CCSER1: variants seen among roughly 807,000 people sequenced by gnomAD.
CCSER1 encodes the protein serine-rich coiled-coil domain-containing protein 1.
A neutral mutation model predicts 82.0 loss-of-function variants in CCSER1; 41 were observed. The observed-to-expected ratio is 0.50, with a 90% CI of 0.39 to 0.65. The LOEUF (loss-of-function observed/expected upper bound fraction) is 0.65. Among genes scored for constraint, CCSER1 ranks in the 30% least tolerant of loss-of-function variants. CCSER1 has a pLI of 0.00. For missense variants in CCSER1, 1,119 were observed against 1,064.2 expected (o/e 1.05, Z -0.72); for synonymous variants, 414 against 383.9 (o/e 1.08, Z -0.92).
At chr4:90,223,018 T>C (rs1742443774) in intron 1 of CCSER1, among the ~76,000 whole-genome samples, 1 of 152,164 alleles carries the variant, frequency 6.6e-6, no homozygotes, top group African/African-American at 2.4e-5. Flanking sequence ...CATATATAGG[T>C]TCACGCATCC....
chr4:90,134,664 T>A lies in CCSER1; in HGVS notation c.-42+6833T>A, dbSNP rs1578133686. On this transcript the variant is annotated intron_variant, in intron 1 of 10. Transcript: ENST00000509176. The stretch of plus-strand genomic sequence containing the variant: ...AAAGGTTCATGCAGAGCTTTGAGCA[T>A]GTTGCTTAAGAAAAGTTGAGCTTAT... Among the ~76,000 whole-genome samples the A allele has an allele frequency of 2.0e-5, 3 of 152,364 alleles. No homozygotes were observed. In the South Asian group the frequency reaches 6.2e-4, roughly 32 times the overall value.
At chr4:90,871,868 T>C (rs1290209699) in intron 8 of CCSER1, among the ~76,000 whole-genome samples, 2 of 151,848 alleles carry the variant, frequency 1.3e-5, no homozygotes, top group African/African-American at 4.8e-5. Flanking sequence ...TATATATTTA[T>C]AATTGTTAAT....
In CCSER1 at chr4:90,782,063, A is replaced by T. The variant is rs574681858; in HGVS notation, c.2011-33699A>T. ...GCAGTAAAATTATTTCCTGATAAACACTTTCTTGAGTATTCAAGGATTAAT... is the reference window on the plus strand; with the variant it reads ...GCAGTAAAATTATTTCCTGATAAACTCTTTCTTGAGTATTCAAGGATTAAT... On this transcript the variant is annotated intron_variant, in intron 7 of 10. Coordinates refer to ENST00000509176, the MANE Select transcript of CCSER1 (RefSeq NM_001145065.2). 6.3e-6 allele frequency: 4 copies of T among 636,916 alleles called. No individual in the cohort carries two copies. The South Asian group carries it at 2.8e-4, about 45-fold the overall frequency. The allele number at this position is 636,916 out of a possible 1,614,324, so 39.5% of individuals were successfully genotyped here.
intron 1 of CCSER1, among the ~76,000 whole-genome samples, chr4:90,290,887 T>C (rs886789437): frequency 6.6e-6 from 1 of 152,068 alleles, no homozygotes; most frequent in Non-Finnish European, 1.5e-5. Flanking sequence ...TTGTTACTGT[T>C]GTATATGTAA....
At chr4:90,353,731 T>G (rs1345182490) in intron 3 of CCSER1, among the ~76,000 whole-genome samples, 1 of 152,192 alleles carries the variant, frequency 6.6e-6, no homozygotes, top group African/African-American at 2.4e-5. Context: ...CAATATCCAC[T>G]GCAGGAAAGC....
chr4:91,260,416 G>A (rs1741017075), intron 10 of CCSER1, among the ~76,000 whole-genome samples: 2 of 152,180 alleles, frequency 1.3e-5, no homozygotes, highest in African/African-American at 4.8e-5. Context: ...CATAGATGTT[G>A]TGCCTGATCT....
intron 6 of CCSER1, among the ~76,000 whole-genome samples, chr4:90,648,321 G>GAAAGAAAGAAAGAAAGAAAGAA (rs1728073860): frequency 6.6e-6 from 1 of 151,062 alleles, no homozygotes; most frequent in Non-Finnish European, 1.5e-5. Flanking sequence ...AAGAAAGAAA[G>GAAAGAAAGAAAGAAAGAAAGAA]AAAGAAAGAA....
At chr4:90,604,615 A>G (rs1440571160) in intron 5 of CCSER1, among the ~76,000 whole-genome samples, 6 of 152,186 alleles carry the variant, frequency 3.9e-5, no homozygotes, top group African/African-American at 1.4e-4. Context: ...TCCACTAGGC[A>G]AAGCCAGCTG....
chr4:91,083,424 G>A (rs537573764), intron 9 of CCSER1, among the ~76,000 whole-genome samples: 3 of 151,994 alleles, frequency 2.0e-5, no homozygotes, highest in African/African-American at 7.2e-5. Flanking sequence ...GGTTGGCGGG[G>A]GGAAGGATAG....
intron 1 of CCSER1, among the ~76,000 whole-genome samples, chr4:90,202,503 G>C (rs572214648): frequency 6.6e-6 from 1 of 152,108 alleles, no homozygotes; most frequent in Admixed American, 6.6e-5. Context: ...GTGACCCGCC[G>C]TAAATAAACT....
intron 10 of CCSER1, among the ~76,000 whole-genome samples, chr4:91,378,332 A>G (rs1053007594): frequency 2.4e-4 from 36 of 152,130 alleles, no homozygotes; most frequent in Non-Finnish European, 3.7e-4. Context: ...TCTATAAATT[A>G]CCTTGGGCAG....
chr4:90,642,045 T>A (rs1726637523), intron 6 of CCSER1: 1 of 273,160 alleles, frequency 3.7e-6, no homozygotes, highest in South Asian at 3.3e-5. Context: ...AGCTGCAACA[T>A]AACAGGTATA....
rs1245244864 is a variant in CCSER1 at position 91,006,603 on chromosome 4, C to T, written c.2173-79347C>T. Among the ~76,000 whole-genome samples, 8 of 152,036 alleles carry T rather than the reference C, an allele frequency of 5.3e-5. No individual in the cohort carries two copies. In the East Asian group the frequency reaches 1.2e-3, roughly 22 times the overall value. ...CTCCCAGGTTCACACCATTCTCCTGCCTCAGCCTCCCGAGTAGCTGGGACT... is the reference window on the plus strand; with the variant it reads ...CTCCCAGGTTCACACCATTCTCCTGTCTCAGCCTCCCGAGTAGCTGGGACT... On this transcript the variant is annotated intron_variant, in intron 9 of 10. Transcript: ENST00000509176.
rs1049276081 is a variant in CCSER1, at chr4:91,602,599, T to G, written c.*3542T>G. Among the ~76,000 whole-genome samples, 1 of 152,062 alleles carries G rather than the reference T, an allele frequency of 6.6e-6. No homozygotes were observed. Among genetic ancestry groups the G allele is most frequent in the African/African-American group, 2.4e-5 (1 of 41,452 alleles). On this transcript the variant is annotated 3_prime_UTR_variant, in exon 11 of 11. Coordinates refer to ENST00000509176, the MANE Select transcript of CCSER1 (RefSeq NM_001145065.2). ...AGTGGATAATTTGGAATACTTAGCA[T>G]AATCTCATAATTATAATCTAAATTT... is the stretch of plus-strand genomic sequence containing the variant.
intron 7 of CCSER1, among the ~76,000 whole-genome samples, chr4:90,771,565 T>TA (rs34848155): frequency 0.35 from 34,556 of 98,110 alleles, 5,879 homozygotes; most frequent in African/African-American, 0.54. Context: ...TGCCGGGCAC[T>TA]AAAAAAAAAA....
intron 5 of CCSER1, among the ~76,000 whole-genome samples, chr4:90,525,120 A>T (rs185441073): frequency 0.016 from 2,380 of 150,222 alleles, 41 homozygotes; most frequent in African/African-American, 0.044. Context: ...CATTTTTTTT[A>T]AAAAAAAAGC....
intron 10 of CCSER1, among the ~76,000 whole-genome samples, chr4:91,359,427 C>G (rs1749100951): frequency 6.6e-6 from 1 of 151,790 alleles, no homozygotes; most frequent in African/African-American, 2.4e-5. Context: ...GAGGGTCTCT[C>G]TCTTACCTCA....
intron 8 of CCSER1, among the ~76,000 whole-genome samples, chr4:90,886,242 T>G (rs998636001): frequency 6.6e-6 from 1 of 152,168 alleles, no homozygotes; most frequent in Non-Finnish European, 1.5e-5. Context: ...TACCTCCCAA[T>G]TTGCAGAGGT....
rs764983831 is a variant in CCSER1, at chr4:91,342,636, TA to T, written c.2218-255935del. 2.0e-5 allele frequency among the ~76,000 whole-genome samples: 3 copies of T among 152,170 alleles called. No individual in the cohort carries two copies. In the East Asian group the frequency reaches 5.8e-4, roughly 29 times the overall value. ...GGGTTTTCAGTGTCTCATTTTGTGT[TA>T]GTAACTCAGTTCTATCATTGCCAAC... On this transcript the variant is annotated intron_variant, in intron 10 of 10. Coordinates refer to ENST00000509176, the MANE Select transcript of CCSER1 (RefSeq NM_001145065.2).
Sources: gnomAD v4.1 joint callset for allele counts (sites outside exome capture counted in the v4.1 genomes callset) on GRCh38, gnomAD v4.1.1 for gene constraint, MANE v1.5 for transcripts, NCBI Gene and HGNC (gene_info 2026-07-23, HGNC 2026-07-21) for gene names.